The following ATP2B4 variants were observed in gnomAD, a reference collection of about 807,000 sequenced individuals.
ATP2B4 encodes the protein ATPase plasma membrane Ca2+ transporting 4, also known as plasma membrane calcium-transporting ATPase 4.
A neutral mutation model predicts 110.3 loss-of-function variants in ATP2B4; 39 were observed. The observed-to-expected ratio is 0.35, with a 90% confidence interval of 0.27 to 0.46. The LOEUF is 0.46. ATP2B4 is among the 20% of genes least tolerant of loss of function. The probability of loss-of-function intolerance (pLI) is 1.00; values close to 1 mark genes in which losing one functional copy is unlikely to be tolerated. For synonymous variants in ATP2B4, 538 were observed against 571.7 expected (o/e 0.94, Z 0.84); for missense variants, 1,135 against 1,530.9 (o/e 0.74, Z 4.32).
At position 203,714,199 on chromosome 1, in the gene ATP2B4, C is replaced by A; in HGVS notation, c.2328C>A (p.His776Gln). 1 of 1,614,160 alleles carries A rather than the reference C, an allele frequency of 6.2e-7. No homozygotes were observed. The highest frequency in any genetic ancestry group is 8.5e-7 in the Non-Finnish European group (1 of 1,180,020). The change falls in exon 15 of 21, where the codon CAC becomes CAA. Residue 776 changes from histidine (H) to glutamine (Q), a missense_variant. Physicochemically the swap from His to Gln is conservative, Grantham distance 24. Around this residue, in one of 9 missense-constraint regions of ATP2B4, gnomAD observed 368 missense variants for 455.9 expected, o/e 0.81. Transcript: ENST00000357681. ...KGIIDSTVGE[H>Q]RQVVAVTGDG... ...TAATTGACAGCACTGTTGGGGAACA[C>A]CGGCAGGTCGTGGCTGTCACTGGTG...
In ATP2B4 at chr1:203,699,671, C is replaced by G; in HGVS notation, c.603C>G (p.Leu201=). The change falls in exon 4 of 21, where the codon CTC becomes CTG. Residue 201 remains leucine, a synonymous_variant. Coordinates refer to ENST00000357681, the MANE Select transcript of ATP2B4 (RefSeq NM_001684.5). ...SIIRNGQLIQ[L]PVAEIVVGDI... ...TCCGAAACGGTCAACTCATCCAGCT[C>G]CCTGTGGCTGAGATTGTGGTTGGTG... The G allele has an allele frequency of 1.9e-6, 3 of 1,614,164 alleles. No individual in the cohort carries two copies. Among genetic ancestry groups the G allele is most frequent in the Non-Finnish European group, 2.5e-6 (3 of 1,180,034 alleles).
chr1:203,664,730 A>G (rs1173151941), intron 1 of ATP2B4, among the ~76,000 whole-genome samples: 1 of 152,150 alleles, frequency 6.6e-6, no homozygotes, highest in Non-Finnish European at 1.5e-5. Flanking sequence ...AACTGGATTC[A>G]CTACTGGTTT....
rs185437700 is a variant in ATP2B4, at chr1:203,648,624, C to T, written c.-465+21405C>T. ...CCAAGGCACCTGTTCGGTGCAGGAT[C>T]CAGGGCCAGGACATGGAGTCTTGGG... On this transcript the variant is annotated intron_variant, in intron 1 of 20. Coordinates refer to ENST00000357681, the MANE Select transcript of ATP2B4 (RefSeq NM_001684.5). Among the ~76,000 whole-genome samples the T allele has an allele frequency of 7.7e-4, 117 of 152,302 alleles. 1 individual carries two copies. The highest frequency in any genetic ancestry group is 6.0e-3 in the South Asian group (29 of 4,826).
intron 17 of ATP2B4, among the ~76,000 whole-genome samples, chr1:203,722,014 A>G (rs561571549): frequency 6.6e-6 from 1 of 152,258 alleles, no homozygotes; most frequent in African/African-American, 2.4e-5. Flanking sequence ...TAATGAGTAC[A>G]TAGTTGCAGT....
At chr1:203,698,055 A>T in intron 2 of ATP2B4, 102 bp from the exon 3 acceptor site, 2 of 953,004 alleles carry the variant, frequency 2.1e-6, no homozygotes, top group Non-Finnish European at 3.3e-6. Flanking sequence ...TGCCCAGGCT[A>T]GAGTGTAATG....
At chr1:203,703,127 C>T (rs1341169618) in intron 7 of ATP2B4, among the ~76,000 whole-genome samples, 1 of 151,502 alleles carries the variant, frequency 6.6e-6, no homozygotes, top group Non-Finnish European at 1.5e-5. Flanking sequence ...CTGGAAAATA[C>T]CCTGGGTCTG....
chr1:203,682,270 G>A (rs1210686589), intron 1 of ATP2B4, among the ~76,000 whole-genome samples: 1 of 152,096 alleles, frequency 6.6e-6, no homozygotes. Flanking sequence ...AGTGTGGGTT[G>A]TGGGAGAGGA....
intron 1 of ATP2B4, among the ~76,000 whole-genome samples, chr1:203,633,454 A>C (rs535420030): frequency 3.0e-4 from 45 of 152,288 alleles, no homozygotes; most frequent in African/African-American, 9.9e-4. Flanking sequence ...AGCAAGACTC[A>C]GTCTCAAAAA....
At chr1:203,701,680 G>A (rs973334265) in intron 6 of ATP2B4, among the ~76,000 whole-genome samples, 1 of 152,216 alleles carries the variant, frequency 6.6e-6, no homozygotes, top group African/African-American at 2.4e-5. Flanking sequence ...TGCTGTTGAA[G>A]TAACACGGAG....
intron 1 of ATP2B4, among the ~76,000 whole-genome samples, chr1:203,664,994 G>A (rs891384146): frequency 6.6e-6 from 1 of 152,108 alleles, no homozygotes; most frequent in African/African-American, 2.4e-5. Context: ...ACCGCGCCTG[G>A]CTAATTTTTT....
chr1:203,729,342 C>T (rs1415641113), intron 20 of ATP2B4, among the ~76,000 whole-genome samples: 3 of 151,716 alleles, frequency 2.0e-5, no homozygotes, highest in African/African-American at 7.3e-5. Flanking sequence ...GTCAGGAGTT[C>T]GAGACCAGCC....
chr1:203,673,663 C>T (rs535646656), intron 1 of ATP2B4, among the ~76,000 whole-genome samples: 3 of 152,298 alleles, frequency 2.0e-5, no homozygotes, highest in East Asian at 1.9e-4. Context: ...GGCCTGATGA[C>T]CAGTATGGGA....
chr1:203,636,938 G>A (rs1663456712), intron 1 of ATP2B4, among the ~76,000 whole-genome samples: 1 of 152,132 alleles, frequency 6.6e-6, no homozygotes, highest in Non-Finnish European at 1.5e-5. Flanking sequence ...ATTGATGTTT[G>A]GGAGTAGAAC....
At chr1:203,728,210 C>A (rs1666579816) in intron 20 of ATP2B4, 1 of 469,936 alleles carries the variant, frequency 2.1e-6, no homozygotes, top group African/African-American at 2.0e-5. Context: ...TTTCTTCAAG[C>A]CTCTTCCCTT....
intron 11 of ATP2B4, among the ~76,000 whole-genome samples, 176 bp from the exon 12 acceptor site, chr1:203,710,701 A>T (rs1460021751): frequency 6.6e-6 from 1 of 152,222 alleles, no homozygotes; most frequent in Non-Finnish European, 1.5e-5. Flanking sequence ...CTCCATCCAC[A>T]GCCCACCTAC....
intron 2 of ATP2B4, among the ~76,000 whole-genome samples, chr1:203,689,376 G>A (rs898244556): frequency 6.6e-5 from 10 of 152,242 alleles, no homozygotes; most frequent in African/African-American, 2.4e-4. Flanking sequence ...TTTTTAGGAG[G>A]AAGAATGGTG....
intron 20 of ATP2B4, among the ~76,000 whole-genome samples, chr1:203,730,192 T>C (rs1349301031): frequency 6.6e-6 from 1 of 151,742 alleles, no homozygotes; most frequent in Non-Finnish European, 1.5e-5. Context: ...GTTTTTATTC[T>C]TTTGTTTTTA....
At chr1:203,702,204 C>A in intron 7 of ATP2B4, 125 bp downstream of exon 7, 1 of 1,249,892 alleles carries the variant, frequency 8.0e-7, no homozygotes, top group Non-Finnish European at 1.1e-6. Context: ...GGCTCAGATG[C>A]CTCATCCTGA....
At chr1:203,688,824 A>C (rs144219077) in intron 2 of ATP2B4, among the ~76,000 whole-genome samples, 119 of 152,234 alleles carry the variant, frequency 7.8e-4, no homozygotes, top group African/African-American at 2.7e-3. Flanking sequence ...CATAAAAGAG[A>C]ATACATGTTT....
Sources: allele counts gnomAD v4.1 joint callset (sites outside exome capture counted in the v4.1 genomes callset), GRCh38; gene constraint gnomAD v4.1.1; regional missense constraint gnomAD v4.1.1; transcripts MANE v1.5; gene names NCBI Gene and HGNC (gene_info 2026-07-23, HGNC 2026-07-21).